TAF2: variants seen among roughly 807,000 people sequenced by gnomAD.
TAF2 encodes TATA-box binding protein associated factor 2, also known as transcription initiation factor TFIID subunit 2.
A neutral mutation model predicts 138.5 loss-of-function variants in TAF2; 61 were observed. The observed-to-expected ratio is 0.44, with a 90% CI of 0.36 to 0.54. The LOEUF (loss-of-function observed/expected upper bound fraction) is 0.54, where lower values mean the gene tolerates loss of function less well. TAF2 is among the 20% of genes least tolerant of loss of function. The pLI, the probability that TAF2 is intolerant of heterozygous loss-of-function variation, is 0.00. For synonymous variants in TAF2, 475 were observed against 469.9 expected (o/e 1.01, Z -0.14); for missense variants, 1,090 against 1,427.9 (o/e 0.76, Z 3.81).
At chr8:119,763,168 C>T (rs1430918153) in intron 18 of TAF2, among the ~76,000 whole-genome samples, 4 of 152,180 alleles carry the variant, frequency 2.6e-5, no homozygotes, top group Non-Finnish European at 5.9e-5. Flanking sequence ...GAAGCTCACA[C>T]TGACACACAT....
chr8:119,792,862 A>C (rs896759067), intron 10 of TAF2, among the ~76,000 whole-genome samples: 9 of 152,160 alleles, frequency 5.9e-5, no homozygotes, highest in African/African-American at 2.2e-4. Context: ...AGCCCTCACC[A>C]GACACCAATC....
At chr8:119,823,676 G>A (rs1057437211) in intron 2 of TAF2, among the ~76,000 whole-genome samples, 1 of 152,302 alleles carries the variant, frequency 6.6e-6, no homozygotes, top group East Asian at 1.9e-4. Context: ...TACCAACAGA[G>A]TGGGGTGCTG....
intron 23 of TAF2, among the ~76,000 whole-genome samples, chr8:119,745,247 C>T (rs2131003931): frequency 6.6e-6 from 1 of 152,234 alleles, no homozygotes; most frequent in African/African-American, 2.4e-5. Flanking sequence ...TTAGAGGTTT[C>T]CCAAAAGAAC....
chr8:119,781,227 T>C, intron 16 of TAF2, 34 bp from the exon 17 acceptor site: 1 of 1,612,894 alleles, frequency 6.2e-7, no homozygotes, highest in Non-Finnish European at 8.5e-7. Flanking sequence ...TAATTTCCAT[T>C]ACCAATGCAA....
chr8:119,803,164 T>G (rs28756749), intron 5 of TAF2, among the ~76,000 whole-genome samples: 2 of 151,904 alleles, frequency 1.3e-5, no homozygotes, highest in Admixed American at 1.3e-4. Context: ...AGTGGGGAAG[T>G]AGAGTATGAA....
intron 3 of TAF2, among the ~76,000 whole-genome samples, chr8:119,817,259 C>G (rs561239310): frequency 6.6e-6 from 1 of 152,082 alleles, no homozygotes; most frequent in Non-Finnish European, 1.5e-5. Flanking sequence ...CTGTTAGGAA[C>G]CAGGCCACAC....
chr8:119,815,280 T>C (rs1294625459), intron 3 of TAF2, among the ~76,000 whole-genome samples: 1 of 139,412 alleles, frequency 7.2e-6, no homozygotes, highest in Non-Finnish European at 1.6e-5. Flanking sequence ...GGACTTGGTC[T>C]TTTTTTTTTT....
intron 16 of TAF2, 115 bp downstream of exon 16, chr8:119,783,266 C>T: frequency 1.5e-6 from 2 of 1,332,792 alleles, no homozygotes; most frequent in South Asian, 3.0e-5. Context: ...TTGGCAAAAG[C>T]TTTCAAAGAA....
intron 2 of TAF2, among the ~76,000 whole-genome samples, chr8:119,823,923 C>G (rs1382576636): frequency 6.6e-6 from 1 of 152,154 alleles, no homozygotes; most frequent in African/African-American, 2.4e-5. Flanking sequence ...GTGACTCTTG[C>G]TATGTTTTCG....
intron 17 of TAF2, among the ~76,000 whole-genome samples, chr8:119,779,485 T>C (rs1019061844): frequency 6.6e-6 from 1 of 152,170 alleles, no homozygotes; most frequent in African/African-American, 2.4e-5. Flanking sequence ...GAGACAGATA[T>C]ATCAGGTGGA....
At chr8:119,739,270 C>T (rs1342065170) in intron 25 of TAF2, among the ~76,000 whole-genome samples, 2 of 152,082 alleles carry the variant, frequency 1.3e-5, no homozygotes, top group African/African-American at 2.4e-5. Flanking sequence ...CAGGGAGCTG[C>T]TGTGGTGAGA....
intron 18 of TAF2, among the ~76,000 whole-genome samples, chr8:119,765,499 G>C (rs934284252): frequency 1.3e-5 from 2 of 152,152 alleles, no homozygotes; most frequent in African/African-American, 2.4e-5. Context: ...ATGAAAATGA[G>C]TATGTTAAAG....
In TAF2 at chr8:119,826,106, C is replaced by T. The variant is rs191082940; in HGVS notation, c.138+5571G>A. On this transcript the variant is annotated intron_variant, in intron 2 of 25. Coordinates refer to ENST00000378164, the MANE Select transcript of TAF2 (RefSeq NM_003184.4). ...GAGGGGAACATCAAACACCAGGGCC[C>T]GTTGCGGGGTGGGGGACTAGGGGAG... Among the ~76,000 whole-genome samples, 477 of 151,816 alleles carry T rather than the reference C, an allele frequency of 3.1e-3. 2 individuals are homozygous for T. The highest frequency in any genetic ancestry group is 0.011 in the African/African-American group (442 of 41,410).
intron 14 of TAF2, 107 bp downstream of exon 14, chr8:119,788,231 G>C: frequency 1.1e-6 from 1 of 939,982 alleles, no homozygotes. Flanking sequence ...ACAACTTAAA[G>C]TATAATTTAA....
intron 25 of TAF2, among the ~76,000 whole-genome samples, chr8:119,739,588 C>G (rs1819461112): frequency 6.6e-6 from 1 of 151,752 alleles, no homozygotes; most frequent in Admixed American, 6.6e-5. Context: ...CTTTTTCTAT[C>G]CCTCCTAGAC....
Position 119,810,679 on chromosome 8 carries a change from A to G in TAF2, c.300-4278T>C, listed in dbSNP as rs146823202. Among the ~76,000 whole-genome samples the G allele has an allele frequency of 5.3e-5, 8 of 152,336 alleles. 1 individual carries two copies. In the East Asian group the frequency reaches 1.5e-3, roughly 29 times the overall value. ...AACACACCATCTAATTTTAAGGACT[A>G]TTTTATCTATAGAGTATAATTTATT... On this transcript the variant is annotated intron_variant, in intron 3 of 25. Transcript: ENST00000378164.
chr8:119,802,542 G>A (rs9297606), intron 5 of TAF2, among the ~76,000 whole-genome samples: 45,312 of 152,086 alleles, frequency 0.3, 7,825 homozygotes, highest in African/African-American at 0.47. Context: ...AAGGTGTTAC[G>A]TGACAGGGTA....
Position 119,762,591 on chromosome 8 carries a change from A to G in TAF2, c.2382T>C (p.Tyr794=), listed in dbSNP as rs754124810. Residue 794 remains tyrosine (Y), a synonymous_variant, in exon 19 of 26, where the codon TAT becomes TAC. Coordinates refer to ENST00000378164, the MANE Select transcript of TAF2 (RefSeq NM_003184.4). Reference sequence around the variant, plus strand: ...CCAGGGCATCAATCATTTCTGCACGATAATAGTTATCTGAAAACTAGGCCA... The same window carrying G: ...CCAGGGCATCAATCATTTCTGCACGGTAATAGTTATCTGAAAACTAGGCCA... ...NRKNKFSDNY[Y]RAEMIDALAN... is the part of the protein sequence containing the mutation. 7 of 1,612,558 alleles carry G rather than the reference A, an allele frequency of 4.3e-6. No homozygotes were observed. The highest frequency in any genetic ancestry group is 1.1e-5 in the South Asian group (1 of 90,736).
chr8:119,802,587 C>T (rs1824340048), intron 5 of TAF2, among the ~76,000 whole-genome samples: 1 of 152,138 alleles, frequency 6.6e-6, no homozygotes, highest in African/African-American at 2.4e-5. Flanking sequence ...GTGTGTAAGA[C>T]ATTATCCCTG....
Sources: allele counts gnomAD v4.1 joint callset (sites outside exome capture counted in the v4.1 genomes callset), GRCh38; gene constraint gnomAD v4.1.1; transcripts MANE v1.5; gene names NCBI Gene and HGNC (gene_info 2026-07-23, HGNC 2026-07-21).